The following MAPK8 variants were observed in gnomAD, a reference collection of about 807,000 sequenced individuals.
The protein encoded by MAPK8 is JUN N-terminal kinase.
In MAPK8, 13 loss-of-function variants were observed where a neutral mutation model predicts 52.9. That is an observed-to-expected ratio of 0.25 (90% CI 0.16 to 0.39). MAPK8 has a LOEUF of 0.39. Ranked by LOEUF, MAPK8 falls within the 10% of genes least tolerant of loss-of-function variation. The pLI is 1.00. For missense variants in MAPK8, 300 were observed against 519.2 expected (o/e 0.58, Z 4.10); for synonymous variants, 191 against 169.8 (o/e 1.12, Z -0.97).
intron 1 of MAPK8, among the ~76,000 whole-genome samples, chr10:48,351,686 T>C (rs1846345766): frequency 6.6e-6 from 1 of 152,064 alleles, no homozygotes; most frequent in Non-Finnish European, 1.5e-5. Flanking sequence ...TCTTAATGGG[T>C]AAAACTGTAG....
At chr10:48,422,156 C>T (rs560992489) in intron 6 of MAPK8, among the ~76,000 whole-genome samples, 42 of 151,998 alleles carry the variant, frequency 2.8e-4, no homozygotes, top group Non-Finnish European at 5.0e-4. Context: ...CTTCAGCCTA[C>T]GAGTAGCTGG....
chr10:48,411,937 TG>T (rs1477636705), intron 5 of MAPK8, among the ~76,000 whole-genome samples: 1 of 145,136 alleles, frequency 6.9e-6, no homozygotes, highest in Non-Finnish European at 1.5e-5. Flanking sequence ...CTCTACCTCC[TG>T]GGTTCAAACA....
intron 1 of MAPK8, among the ~76,000 whole-genome samples, chr10:48,317,648 G>A (rs367620552): frequency 3.7e-4 from 56 of 152,202 alleles, no homozygotes; most frequent in African/African-American, 1.3e-3. Flanking sequence ...TGCAGAGTAC[G>A]GGTAGAGAGT....
Position 48,420,136 on chromosome 10 carries a change from T to C in MAPK8, c.451-19T>C. On this transcript the variant is annotated intron_variant, in intron 5 of 11. Transcript: ENST00000374189. ...CCTATATATCATGGCAGTCATTTTT[T>C]AATTTTTATTTTCTGAAGGACTTAA... 1 of 1,590,322 alleles carries C rather than the reference T, an allele frequency of 6.3e-7. No homozygotes were observed.
intron 1 of MAPK8, among the ~76,000 whole-genome samples, chr10:48,397,922 G>C (rs2041970228): frequency 6.6e-6 from 1 of 152,062 alleles, no homozygotes; most frequent in African/African-American, 2.4e-5. Flanking sequence ...TGTAGTGGAG[G>C]TTATACTAAT....
At chr10:48,409,222 A>G (rs2042620947) in intron 3 of MAPK8, among the ~76,000 whole-genome samples, 1 of 152,182 alleles carries the variant, frequency 6.6e-6, no homozygotes, top group African/African-American at 2.4e-5. Context: ...TCAGATTGAC[A>G]GTAGAATGGA....
At chr10:48,373,596 A>AG (rs2040463080) in intron 1 of MAPK8, among the ~76,000 whole-genome samples, 1 of 147,596 alleles carries the variant, frequency 6.8e-6, no homozygotes, top group Non-Finnish European at 1.5e-5. Flanking sequence ...AAAAAAAAAA[A>AG]AAGCCAGGGT....
chr10:48,403,905 C>T (rs537137645), intron 2 of MAPK8, among the ~76,000 whole-genome samples: 15 of 138,720 alleles, frequency 1.1e-4, no homozygotes, highest in African/African-American at 2.3e-4. Flanking sequence ...CCTGCCACCA[C>T]GCCCGGCTAA....
intron 1 of MAPK8, among the ~76,000 whole-genome samples, chr10:48,390,931 T>TA (rs990960161): frequency 6.6e-6 from 1 of 152,226 alleles, no homozygotes; most frequent in Non-Finnish European, 1.5e-5. Context: ...CATAGTCTGA[T>TA]AATAAAATCT....
intron 1 of MAPK8, among the ~76,000 whole-genome samples, chr10:48,372,552 C>A (rs1335388559): frequency 6.6e-6 from 1 of 151,914 alleles, no homozygotes; most frequent in Non-Finnish European, 1.5e-5. Context: ...AACTGAAAAA[C>A]ACAGCACGAG....
chr10:48,439,199 G>T lies in MAPK8; in HGVS notation c.*4170G>T. The stretch of plus-strand genomic sequence containing the variant: ...CCTTTCCTCTAGACAAAACAAAATG[G>T]GGCACTTTTTAGGGAATGCTGAGAT... On this transcript the variant is annotated 3_prime_UTR_variant, in exon 12 of 12. Coordinates refer to ENST00000374189, the MANE Select transcript of MAPK8 (RefSeq NM_001323329.2). 6.6e-6 allele frequency: 1 copy of T among 150,790 alleles called. No homozygotes were observed. Among genetic ancestry groups the T allele is most frequent in the South Asian group, 2.1e-4 (1 of 4,722 alleles). The allele number at this position is 150,790 out of a possible 1,614,324, so 9.3% of individuals were successfully genotyped here.
intron 2 of MAPK8, among the ~76,000 whole-genome samples, chr10:48,403,971 G>T (rs1972949): frequency 6.8e-6 from 1 of 147,362 alleles, no homozygotes. Flanking sequence ...TTTTAGTAGA[G>T]ACAGGGTTTC....
intron 2 of MAPK8, among the ~76,000 whole-genome samples, chr10:48,404,014 A>T (rs1278495888): frequency 1.3e-5 from 2 of 149,962 alleles, no homozygotes; most frequent in East Asian, 3.9e-4. Context: ...CGATCTCCTG[A>T]TCTCGTGATC....
At chr10:48,387,166 TG>T (rs1241516371) in intron 1 of MAPK8, among the ~76,000 whole-genome samples, 1 of 152,022 alleles carries the variant, frequency 6.6e-6, no homozygotes, top group Non-Finnish European at 1.5e-5. Flanking sequence ...CCTTTGTGGG[TG>T]GGGGTCAGAT....
At chr10:48,368,055 A>C (rs1848222258) in intron 1 of MAPK8, among the ~76,000 whole-genome samples, 1 of 152,222 alleles carries the variant, frequency 6.6e-6, no homozygotes, top group South Asian at 2.1e-4. Flanking sequence ...AAATCATTGA[A>C]ATATTTTAGA....
intron 3 of MAPK8, among the ~76,000 whole-genome samples, chr10:48,407,853 C>G (rs1405453555): frequency 1.3e-5 from 2 of 152,066 alleles, no homozygotes; most frequent in Non-Finnish European, 2.9e-5. Flanking sequence ...TATTTAATAC[C>G]TCTCTTCTAC....
chr10:48,332,088 C>G (rs567023872), intron 1 of MAPK8, among the ~76,000 whole-genome samples: 1 of 152,308 alleles, frequency 6.6e-6, no homozygotes, highest in South Asian at 2.1e-4. Flanking sequence ...TATTTTCTAC[C>G]AGGTCAAATC....
At chr10:48,375,997 G>A (rs975724729) in intron 1 of MAPK8, among the ~76,000 whole-genome samples, 13 of 152,088 alleles carry the variant, frequency 8.5e-5, no homozygotes, top group Admixed American at 2.6e-4. Context: ...TATACTACAA[G>A]GCTACAGTAA....
In MAPK8 at chr10:48,439,154, C is replaced by T. The variant is rs1295251553; in HGVS notation, c.*4125C>T. 1 of 151,782 alleles carries T rather than the reference C, an allele frequency of 6.6e-6. No individual in the cohort carries two copies. Among genetic ancestry groups the T allele is most frequent in the Non-Finnish European group, 1.5e-5 (1 of 67,998 alleles). The allele number at this position is 151,782 out of a possible 1,614,324, so 9.4% of individuals were successfully genotyped here. A position where few individuals can be genotyped will look rare whatever the true frequency, so the allele number is the denominator to read the frequency against. On this transcript the variant is annotated 3_prime_UTR_variant, in exon 12 of 12. Transcript: ENST00000374189. ...TCATTCCTCCTCCATTCCTCTCCTT[C>T]CCTGTGTTCCGTTCCCTCTCCTTTC...
Sources: gnomAD v4.1 joint callset for allele counts (sites outside exome capture counted in the v4.1 genomes callset) on GRCh38, gnomAD v4.1.1 for gene constraint, MANE v1.5 for transcripts, NCBI Gene and HGNC (gene_info 2026-07-23, HGNC 2026-07-21) for gene names.